The following ENPP1 variants were observed in gnomAD, a reference collection of about 807,000 sequenced individuals.
The protein encoded by ENPP1 is ectonucleotide pyrophosphatase/phosphodiesterase 1.
In ENPP1, 73 loss-of-function variants were observed where a neutral mutation model predicts 122.8. The ratio of observed to expected loss-of-function variants is 0.59; its 90% confidence interval spans 0.49 to 0.72. The LOEUF (loss-of-function observed/expected upper bound fraction) is 0.72. ENPP1 is among the 30% of genes least tolerant of loss of function. The pLI, the probability that ENPP1 is intolerant of heterozygous loss-of-function variation, is 0.00. For missense variants in ENPP1, 978 were observed against 1,128.1 expected, an observed-to-expected ratio of 0.87 and a Z score of 1.91; for synonymous variants, 367 against 391.6, an observed-to-expected ratio of 0.94 and a Z score of 0.74.
rs773372468 is a variant in ENPP1, at chr6:131,847,770, C to T, written c.241-6C>T. ...AACCATGTAATTTTCTCTTTTCTCC[C>T]TACAGGTATTGTCAGTATGTGTGTT... On this transcript the variant is annotated splice_polypyrimidine_tract_variant and splice_region_variant and intron_variant, in intron 1 of 24. Coordinates refer to ENST00000647893, the MANE Select transcript of ENPP1 (RefSeq NM_006208.3). The T allele has an allele frequency of 2.5e-6, 4 of 1,596,176 alleles. No homozygotes were observed. The East Asian group carries it at 6.7e-5, about 27-fold the overall frequency.
intron 1 of ENPP1, among the ~76,000 whole-genome samples, chr6:131,818,597 G>A (rs1015964463): frequency 2.0e-5 from 3 of 151,250 alleles, no homozygotes; most frequent in South Asian, 4.2e-4. Flanking sequence ...GCAGTGAGCC[G>A]AGATCGTGCC....
chr6:131,841,793 G>C (rs770377495), intron 1 of ENPP1, among the ~76,000 whole-genome samples: 3 of 152,158 alleles, frequency 2.0e-5, no homozygotes, highest in Non-Finnish European at 4.4e-5. Flanking sequence ...AGGGGTGAGG[G>C]AAGACCTAGA....
In ENPP1 at chr6:131,851,166, T is replaced by C; in HGVS notation, c.455T>C (p.Phe152Ser). Reference protein sequence around the residue: ...EPEHIWTCNKFRCGEKRLTRS... With the variant: ...EPEHIWTCNKSRCGEKRLTRS... ...GAACATATATGGACTTGCAACAAAT[T>C]CAGGTGTGGTGAGAAAAGGTTGACC... Residue 152 changes from phenylalanine to serine, a missense_variant, in exon 4 of 25, where the codon TTC becomes TCC. Phe to Ser is a radical substitution (Grantham distance 155, BLOSUM62 -2). Around this residue, in one of 3 missense-constraint regions of ENPP1, gnomAD observed 330 missense variants for 328.5 expected, o/e 1.00. Coordinates refer to ENST00000647893, the MANE Select transcript of ENPP1 (RefSeq NM_006208.3). The C allele has an allele frequency of 6.2e-7, 1 of 1,614,082 alleles. No individual in the cohort carries two copies. Among genetic ancestry groups the C allele is most frequent in the Non-Finnish European group, 8.5e-7 (1 of 1,179,940 alleles).
rs564304453 is a variant in ENPP1, at chr6:131,893,949, C to CTTTTTTTTTTTTTT, written c.*3455_*3468dup. 1.0e-4 allele frequency: 6 copies of CTTTTTTTTTTTTTT among 59,500 alleles called. 1 individual carries two copies. The highest frequency in any genetic ancestry group is 2.4e-4 in the Admixed American group (1 of 4,088). The allele number at this position is 59,500 out of a possible 1,614,324, so 3.7% of individuals were successfully genotyped here. A position where few individuals can be genotyped will look rare whatever the true frequency, so the allele number is the denominator to read the frequency against. ...GTGAAACCTTTATTTATCTTGATTT[C>CTTTTTTTTTTTTTT]TTTTTTTTTTTTTTTTTTTTTTTTT... On this transcript the variant is annotated 3_prime_UTR_variant, in exon 25 of 25. Transcript: ENST00000647893.
chr6:131,826,170 G>A, intron 1 of ENPP1: 2 of 881,664 alleles, frequency 2.3e-6, no homozygotes, highest in South Asian at 1.3e-5. Context: ...CCACATGAGG[G>A]GACAAATTCA....
chr6:131,842,371 T>C (rs2114682599), intron 1 of ENPP1, among the ~76,000 whole-genome samples: 1 of 152,302 alleles, frequency 6.6e-6, no homozygotes, highest in East Asian at 1.9e-4. Context: ...ATGTCATTTC[T>C]TAGGTTGCTT....
chr6:131,825,958 G>T, intron 1 of ENPP1: 3 of 510,302 alleles, frequency 5.9e-6, no homozygotes, highest in South Asian at 3.3e-5. Flanking sequence ...AAATGATTTT[G>T]AAACATGAGT....
chr6:131,859,393 T>G (rs185789545), intron 7 of ENPP1, among the ~76,000 whole-genome samples: 91 of 152,090 alleles, frequency 6.0e-4, no homozygotes, highest in Middle Eastern at 6.8e-3. Flanking sequence ...CCTTTTTTTT[T>G]TTTGTTTTTT....
intron 1 of ENPP1, among the ~76,000 whole-genome samples, chr6:131,845,800 C>T (rs530696567): frequency 6.6e-5 from 10 of 152,158 alleles, no homozygotes; most frequent in Middle Eastern, 3.4e-3. Context: ...TTTACACCAC[C>T]ATCAGAAGTT....
intron 17 of ENPP1, 74 bp downstream of exon 17, chr6:131,875,937 T>C: frequency 8.3e-7 from 1 of 1,198,802 alleles, no homozygotes; most frequent in Non-Finnish European, 1.2e-6. Flanking sequence ...CAGGTCACAT[T>C]GTAGGCAACT....
At chr6:131,889,064 T>C (rs945011017) in intron 24 of ENPP1, among the ~76,000 whole-genome samples, 8 of 152,168 alleles carry the variant, frequency 5.3e-5, no homozygotes, top group African/African-American at 9.7e-5. Context: ...CACATTCTCA[T>C]AAAAACTAGT....
intron 7 of ENPP1, 137 bp downstream of exon 7, chr6:131,858,884 G>C (rs781014836): frequency 8.6e-5 from 62 of 718,106 alleles, no homozygotes; most frequent in Non-Finnish European, 1.4e-4. Context: ...CCCAGGTTCT[G>C]ATCTTTGCTC....
chr6:131,854,992 G>A lies in ENPP1; in HGVS notation c.684G>A (p.Trp228Ter). The change falls in exon 6 of 25, where the codon TGG (tryptophan) becomes TGA (stop). Residue 228 changes from tryptophan to a stop codon, truncating the protein, a stop_gained. Coordinates refer to ENST00000647893, the MANE Select transcript of ENPP1 (RefSeq NM_006208.3). LOFTEE classifies it high-confidence loss of function. ...DGFRAEYLHT[W>*]GGLLPVISKL... ...TCAGGGCAGAATATTTACACACTTG[G>A]GGTGGACTTCTTCCTGTTATTAGCA... 1.2e-6 allele frequency: 2 copies of A among 1,613,212 alleles called. No homozygotes were observed. Among genetic ancestry groups the A allele is most frequent in the South Asian group, 1.1e-5 (1 of 91,062 alleles).
At chr6:131,864,223 T>C (rs1782059551) in intron 9 of ENPP1, among the ~76,000 whole-genome samples, 2 of 152,182 alleles carry the variant, frequency 1.3e-5, no homozygotes, top group South Asian at 4.1e-4. Flanking sequence ...ATATGAGTTA[T>C]TCATGTGGTA....
chr6:131,830,691 T>G (rs1289720025), intron 1 of ENPP1, among the ~76,000 whole-genome samples: 8 of 151,268 alleles, frequency 5.3e-5, no homozygotes, highest in Admixed American at 5.3e-4. Context: ...GATTTATTGA[T>G]AAGATAAGAA....
chr6:131,884,313 CTT>C (rs1562185727), intron 22 of ENPP1, among the ~76,000 whole-genome samples: 1 of 151,858 alleles, frequency 6.6e-6, no homozygotes, highest in African/African-American at 2.4e-5. Flanking sequence ...AATAATATGC[CTT>C]GTTTGTGTTT....
rs1782453240 is a variant in ENPP1 at position 131,890,403 on chromosome 6, A to G, written c.2670A>G (p.Thr890=). 6.2e-7 allele frequency: 1 copy of G among 1,613,330 alleles called. No homozygotes were observed. Among genetic ancestry groups the G allele is most frequent in the Non-Finnish European group, 8.5e-7 (1 of 1,179,210 alleles). ...TAATGTTACACAGAGCACGGATCAC[A>G]GATGTTGAGCACATCACTGGACTCA... ...ELLMLHRARI[T]DVEHITGLSF... The change falls in exon 25 of 25, where the codon ACA becomes ACG. Residue 890 remains threonine (T), a synonymous_variant. Coordinates refer to ENST00000647893, the MANE Select transcript of ENPP1 (RefSeq NM_006208.3).
chr6:131,879,855 A>C (rs1371201141), intron 19 of ENPP1, 25 bp from the exon 20 acceptor site: 1 of 1,605,560 alleles, frequency 6.2e-7, no homozygotes, highest in Admixed American at 1.7e-5. Flanking sequence ...CACTAACTAC[A>C]TTTATTTTCA....
intron 1 of ENPP1, chr6:131,827,738 C>T (rs1401422825): frequency 7.2e-6 from 5 of 695,638 alleles, no homozygotes; most frequent in African/African-American, 1.8e-5. Context: ...TCCTTCTTGT[C>T]CAGGCCACTG....
Sources: gnomAD v4.1 joint callset for allele counts (sites outside exome capture counted in the v4.1 genomes callset) on GRCh38, gnomAD v4.1.1 for gene constraint, gnomAD v4.1.1 regional missense constraint, MANE v1.5 for transcripts, NCBI Gene and HGNC (gene_info 2026-07-23, HGNC 2026-07-21) for gene names.